ROBO2: variants seen among roughly 807,000 people sequenced by gnomAD.
The protein encoded by ROBO2 is roundabout guidance receptor 2.
In ROBO2, 53 loss-of-function variants were observed where a neutral mutation model predicts 160.8. The ratio of observed to expected loss-of-function variants is 0.33; its 90% CI spans 0.26 to 0.41. The LOEUF is 0.41. Among genes scored for constraint, ROBO2 ranks in the 10% least tolerant of loss-of-function variants. The pLI is 1.00. For missense variants in ROBO2, 1,577 were observed against 1,722.4 expected (o/e 0.92, Z 1.49); for synonymous variants, 664 against 611.7 (o/e 1.09, Z -1.26).
intron 2 of ROBO2, among the ~76,000 whole-genome samples, chr3:77,003,216 C>T (rs2061416602): frequency 6.6e-6 from 1 of 152,084 alleles, no homozygotes; most frequent in Admixed American, 6.5e-5. Context: ...CATTACTTTA[C>T]AGTTCTGAAA....
chr3:77,525,619 CATT>C (rs1264602873), intron 6 of ROBO2, among the ~76,000 whole-genome samples: 2 of 151,142 alleles, frequency 1.3e-5, no homozygotes, highest in East Asian at 3.9e-4. Context: ...TTTGTAAGCA[CATT>C]TTACCCATTT....
intron 2 of ROBO2, among the ~76,000 whole-genome samples, chr3:77,279,839 T>C (rs1431253597): frequency 6.6e-6 from 1 of 152,172 alleles, no homozygotes; most frequent in Admixed American, 6.5e-5. Context: ...TTTACCTTTA[T>C]GTTCAATTGT....
chr3:76,118,076 T>G (rs2070554058), intron 2 of ROBO2, among the ~76,000 whole-genome samples: 1 of 152,070 alleles, frequency 6.6e-6, no homozygotes, highest in African/African-American at 2.4e-5. Flanking sequence ...CACACCAACA[T>G]GGCACATGTA....
At chr3:76,070,305 C>T (rs747180549) in intron 2 of ROBO2, among the ~76,000 whole-genome samples, 22 of 152,204 alleles carry the variant, frequency 1.4e-4, no homozygotes, top group South Asian at 6.2e-4. Context: ...AAAGAGTATG[C>T]GCACCTGGGG....
intron 2 of ROBO2, among the ~76,000 whole-genome samples, chr3:77,139,984 C>G (rs1170591416): frequency 6.6e-6 from 1 of 152,202 alleles, no homozygotes; most frequent in African/African-American, 2.4e-5. Context: ...CAAAACCCTA[C>G]TGCAAACCAG....
chr3:76,379,241 C>T (rs2108538131), intron 2 of ROBO2, among the ~76,000 whole-genome samples: 1 of 152,184 alleles, frequency 6.6e-6, no homozygotes, highest in South Asian at 2.1e-4. Flanking sequence ...TTTGAATATG[C>T]AACGAGAAAT....
intron 2 of ROBO2, among the ~76,000 whole-genome samples, chr3:76,555,004 A>G (rs2083620284): frequency 6.6e-6 from 1 of 151,890 alleles, no homozygotes; most frequent in Non-Finnish European, 1.5e-5. Context: ...TATTTTTGTC[A>G]CCAGCAAAAA....
At chr3:76,721,018 C>T (rs2093457201) in intron 2 of ROBO2, among the ~76,000 whole-genome samples, 1 of 152,124 alleles carries the variant, frequency 6.6e-6, no homozygotes, top group Non-Finnish European at 1.5e-5. Context: ...TTTTCAAAAT[C>T]TGGCATAAAT....
intron 2 of ROBO2, among the ~76,000 whole-genome samples, chr3:77,163,780 A>G (rs548156818): frequency 2.6e-5 from 4 of 152,344 alleles, no homozygotes; most frequent in Non-Finnish European, 5.9e-5. Context: ...CTCATGGTTT[A>G]TAATCTTTGA....
intron 2 of ROBO2, among the ~76,000 whole-genome samples, chr3:76,144,799 A>G (rs1415450321): frequency 6.6e-6 from 1 of 152,016 alleles, no homozygotes; most frequent in African/African-American, 2.4e-5. Context: ...GACACGAAAT[A>G]TTGAATGTAC....
chr3:77,608,861 T>G (rs965682513), intron 21 of ROBO2, among the ~76,000 whole-genome samples: 1 of 151,922 alleles, frequency 6.6e-6, no homozygotes, highest in African/African-American at 2.4e-5. Flanking sequence ...ATCTATTTAT[T>G]TCTATAATGG....
At chr3:76,960,526 T>C (rs1359342953) in intron 2 of ROBO2, among the ~76,000 whole-genome samples, 1 of 152,174 alleles carries the variant, frequency 6.6e-6, no homozygotes, top group Non-Finnish European at 1.5e-5. Flanking sequence ...CACATTATGT[T>C]TCATTTTTAA....
intron 2 of ROBO2, among the ~76,000 whole-genome samples, chr3:76,655,192 G>C (rs1426938343): frequency 6.7e-6 from 1 of 149,822 alleles, no homozygotes; most frequent in African/African-American, 2.4e-5. Context: ...TTTATCGTAA[G>C]AGAATAGTCA....
intron 2 of ROBO2, among the ~76,000 whole-genome samples, chr3:76,684,626 C>T (rs1261936018): frequency 1.3e-5 from 2 of 152,014 alleles, no homozygotes; most frequent in Non-Finnish European, 2.9e-5. Context: ...TGTCATAAAA[C>T]ATAGAACTGT....
chr3:76,828,402 C>A (rs183357214), intron 2 of ROBO2, among the ~76,000 whole-genome samples: 4 of 152,012 alleles, frequency 2.6e-5, no homozygotes, highest in East Asian at 3.9e-4. Context: ...ACACACCCAC[C>A]CTTAAACAAA....
intron 1 of ROBO2, among the ~76,000 whole-genome samples, chr3:77,046,426 A>T (rs975029401): frequency 8.5e-5 from 13 of 152,214 alleles, no homozygotes; most frequent in Non-Finnish European, 1.5e-5. Flanking sequence ...ATAGTACCTC[A>T]GTTGAACTTG....
intron 2 of ROBO2, among the ~76,000 whole-genome samples, chr3:76,585,277 A>G (rs2085961145): frequency 6.6e-6 from 1 of 152,222 alleles, no homozygotes; most frequent in Middle Eastern, 3.2e-3. Context: ...AGTTAATACA[A>G]TTATACACTT....
At chr3:76,643,971 A>T (rs1321526930) in intron 2 of ROBO2, among the ~76,000 whole-genome samples, 1 of 152,226 alleles carries the variant, frequency 6.6e-6, no homozygotes, top group African/African-American at 2.4e-5. Flanking sequence ...TAGATGTCCT[A>T]CCACAATATT....
intron 2 of ROBO2, among the ~76,000 whole-genome samples, chr3:76,424,274 A>G (rs184524214): frequency 7.9e-4 from 121 of 152,326 alleles, no homozygotes; most frequent in African/African-American, 2.7e-3. Context: ...CAATATTTTT[A>G]AAGTGTATGT....
Sources: allele counts gnomAD v4.1 joint callset (sites outside exome capture counted in the v4.1 genomes callset), GRCh38; gene constraint gnomAD v4.1.1; transcripts MANE v1.5; gene names NCBI Gene and HGNC (gene_info 2026-07-23, HGNC 2026-07-21).